Variants in WWOX observed in about 807,000 individuals in gnomAD.
The protein encoded by WWOX is WW domain-containing oxidoreductase.
In WWOX, 69 loss-of-function variants were observed where a neutral mutation model predicts 46.2. The observed-to-expected ratio is 1.49, with a 90% confidence interval of 1.23 to 1.82. WWOX has a LOEUF of 1.82. Ranked by LOEUF, WWOX falls within the 40% of genes most tolerant of loss-of-function variation. The pLI is 0.00. For synonymous variants in WWOX, 359 were observed against 202.6 expected (o/e 1.77, Z -6.56); for missense variants, 919 against 542.6 (o/e 1.69, Z -6.89).
intron 8 of WWOX, among the ~76,000 whole-genome samples, chr16:79,134,516 T>C (rs1403504370): frequency 6.6e-6 from 1 of 152,156 alleles, no homozygotes; most frequent in Non-Finnish European, 1.5e-5. Flanking sequence ...TGTTCTTCCC[T>C]ACCCGGGGCC....
At position 78,112,230 on chromosome 16, in the gene WWOX, A is replaced by G. The variant is rs142327502; in HGVS notation, c.230+2395A>G. 4.6e-3 allele frequency among the ~76,000 whole-genome samples: 701 copies of G among 152,158 alleles called. 6 individuals are homozygous for G. The highest frequency in any genetic ancestry group is 0.01 in the Middle Eastern group (3 of 294). Reference sequence around the variant, plus strand: ...CTACATCATTTGGGAGTTTTATGGTATTTTTCTAGCATTTTCACTGTAGTT... The same window carrying G: ...CTACATCATTTGGGAGTTTTATGGTGTTTTTCTAGCATTTTCACTGTAGTT... On this transcript the variant is annotated intron_variant, in intron 3 of 8. Coordinates refer to ENST00000566780, the MANE Select transcript of WWOX (RefSeq NM_016373.4).
intron 8 of WWOX, among the ~76,000 whole-genome samples, chr16:79,149,559 C>T (rs534880793): frequency 6.6e-6 from 1 of 152,292 alleles, no homozygotes; most frequent in South Asian, 2.1e-4. Flanking sequence ...AATATAGCTC[C>T]CTTCCTAGGG....
At chr16:78,670,913 C>G (rs72796610) in intron 8 of WWOX, among the ~76,000 whole-genome samples, 4,839 of 151,920 alleles carry the variant, frequency 0.032, 93 homozygotes, top group Non-Finnish European at 0.047. Flanking sequence ...ATGTCCTTAG[C>G]AGAGACAGAA....
chr16:79,049,892 C>G (rs2048135007), intron 8 of WWOX, among the ~76,000 whole-genome samples: 1 of 151,580 alleles, frequency 6.6e-6, no homozygotes, highest in Non-Finnish European at 1.5e-5. Context: ...GAGCAGTACC[C>G]AGCCATGCAG....
intron 5 of WWOX, among the ~76,000 whole-genome samples, chr16:78,238,824 G>C (rs908072577): frequency 6.6e-6 from 1 of 151,844 alleles, no homozygotes; most frequent in Non-Finnish European, 1.5e-5. Context: ...TCTCCATTTT[G>C]GTCAGGCTGG....
At chr16:79,031,809 TA>T (rs943079007) in intron 8 of WWOX, among the ~76,000 whole-genome samples, 41 of 137,344 alleles carry the variant, frequency 3.0e-4, no homozygotes, top group Middle Eastern at 3.7e-3. Flanking sequence ...GATATCTATA[TA>T]ATATATATAA....
At chr16:78,381,218 C>G (rs1368289943) in intron 5 of WWOX, among the ~76,000 whole-genome samples, 1 of 152,180 alleles carries the variant, frequency 6.6e-6, no homozygotes, top group African/African-American at 2.4e-5. Context: ...TCACATATGG[C>G]TAATTTATAG....
chr16:79,071,483 G>C (rs1010441472), intron 8 of WWOX, among the ~76,000 whole-genome samples: 3 of 152,124 alleles, frequency 2.0e-5, no homozygotes, highest in African/African-American at 7.2e-5. Context: ...GTTTCATTTT[G>C]TTTTCTCTCT....
intron 8 of WWOX, among the ~76,000 whole-genome samples, chr16:78,572,375 G>C (rs551911046): frequency 1.2e-4 from 18 of 152,182 alleles, no homozygotes; most frequent in Middle Eastern, 3.4e-3. Context: ...TCGGCAGATG[G>C]CTTGAGCCCA....
At position 78,314,566 on chromosome 16, in the gene WWOX, C is replaced by A. The variant is rs1226296210; in HGVS notation, c.517-72294C>A. On this transcript the variant is annotated intron_variant, in intron 5 of 8. Coordinates refer to ENST00000566780, the MANE Select transcript of WWOX (RefSeq NM_016373.4). Reference sequence around the variant, plus strand: ...TGAGTCGGAGTTTTGCTCTTGTCGCCCAGGCTGGAGTGTAATGGCGTGATA... The same window carrying A: ...TGAGTCGGAGTTTTGCTCTTGTCGCACAGGCTGGAGTGTAATGGCGTGATA... 6.6e-3 allele frequency among the ~76,000 whole-genome samples: 973 copies of A among 147,728 alleles called. 13 individuals carry two copies. The highest frequency in any genetic ancestry group is 0.023 in the African/African-American group (922 of 40,084).
At position 78,376,586 on chromosome 16, in the gene WWOX, G is replaced by A. The variant is rs566558312; in HGVS notation, c.517-10274G>A. ...CCGAAGTGCCTATGACAAACCACAC[G>A]CAGGCATCCTCGGGACTATTGAGGC... is the stretch of plus-strand genomic sequence containing the variant. On this transcript the variant is annotated intron_variant, in intron 5 of 8. Coordinates refer to ENST00000566780, the MANE Select transcript of WWOX (RefSeq NM_016373.4). 5.3e-5 allele frequency among the ~76,000 whole-genome samples: 8 copies of A among 152,268 alleles called. No homozygotes were observed. The East Asian group carries it at 1.4e-3, about 26-fold the overall frequency.
chr16:79,191,021 A>C (rs1567607973), intron 8 of WWOX, among the ~76,000 whole-genome samples: 1 of 152,144 alleles, frequency 6.6e-6, no homozygotes, highest in South Asian at 2.1e-4. Flanking sequence ...TGGGAAGATG[A>C]GCAAAGCATG....
chr16:78,724,996 G>T (rs576171577), intron 8 of WWOX, among the ~76,000 whole-genome samples: 2 of 152,238 alleles, frequency 1.3e-5, no homozygotes, highest in South Asian at 2.1e-4. Context: ...TGGTTTGGCT[G>T]TGTCCCCACC....
chr16:78,593,226 A>G (rs1375041635), intron 8 of WWOX, among the ~76,000 whole-genome samples: 2 of 151,962 alleles, frequency 1.3e-5, no homozygotes, highest in Non-Finnish European at 2.9e-5. Flanking sequence ...TTATGTGTAT[A>G]GATGGGATTT....
chr16:79,042,830 A>G, intron 8 of WWOX, among the ~76,000 whole-genome samples: 1 of 152,250 alleles, frequency 6.6e-6, no homozygotes, highest in Non-Finnish European at 1.5e-5. Flanking sequence ...AAAACAAAAC[A>G]AGAAACCCAG....
At position 78,618,588 on chromosome 16, in the gene WWOX, G is replaced by C. The variant is rs1292596687; in HGVS notation, c.1056+185836G>C. Among the ~76,000 whole-genome samples, 4 of 152,148 alleles carry C rather than the reference G, an allele frequency of 2.6e-5. No individual in the cohort carries two copies. In the South Asian group the frequency reaches 8.3e-4, roughly 32 times the overall value. On this transcript the variant is annotated intron_variant, in intron 8 of 8. Transcript: ENST00000566780. ...CTCTGTCTCCAAACACAGTCACATT[G>C]TGAGGTACTGGGGGTTTGGGCTTCC...
chr16:78,830,059 A>C (rs1419370631), intron 8 of WWOX, among the ~76,000 whole-genome samples: 1 of 152,140 alleles, frequency 6.6e-6, no homozygotes, highest in East Asian at 1.9e-4. Flanking sequence ...GGAGTTCAAG[A>C]CCAGCCTGGG....
At chr16:78,709,407 C>G (rs906489154) in intron 8 of WWOX, among the ~76,000 whole-genome samples, 2 of 152,144 alleles carry the variant, frequency 1.3e-5, no homozygotes, top group African/African-American at 4.8e-5. Flanking sequence ...GCCTGGGTAG[C>G]GGGCCCAGCC....
chr16:78,861,984 G>A (rs1471897614), intron 8 of WWOX, among the ~76,000 whole-genome samples: 1 of 152,062 alleles, frequency 6.6e-6, no homozygotes, highest in Non-Finnish European at 1.5e-5. Context: ...TGGAGAAATT[G>A]AACTAATACT....
Sources: gnomAD v4.1 joint callset for allele counts (sites outside exome capture counted in the v4.1 genomes callset) on GRCh38, gnomAD v4.1.1 for gene constraint, MANE v1.5 for transcripts, NCBI Gene and HGNC (gene_info 2026-07-23, HGNC 2026-07-21) for gene names.